Variants in BLTP1 observed in about 807,000 individuals in gnomAD.
BLTP1 encodes the protein bridge-like lipid transfer protein family member 1.
the BLTP1 span, chr4:122,174,537 A>G: frequency 5.0e-6 from 8 of 1,600,092 alleles, 1 homozygote; most frequent in Non-Finnish European, 6.8e-6. Context: ...CTGTTAAAAC[A>G]GTTACATTAA....
chr4:122,232,316 G>A, the BLTP1 span, among the ~76,000 whole-genome samples: 6 of 152,244 alleles, frequency 3.9e-5, no homozygotes, highest in East Asian at 1.2e-3. Flanking sequence ...CCCAAGTAGA[G>A]TTGCCAGGGA....
the BLTP1 span, chr4:122,169,715 A>T: frequency 1.9e-5 from 19 of 983,204 alleles, no homozygotes; most frequent in Non-Finnish European, 2.3e-5. Flanking sequence ...ATATGCACAC[A>T]TATGTGTATG....
At chr4:122,330,444 C>G in the BLTP1 span, among the ~76,000 whole-genome samples, 1 of 151,246 alleles carries the variant, frequency 6.6e-6, no homozygotes, top group Non-Finnish European at 1.5e-5. Flanking sequence ...AGTCATATTT[C>G]ATTGTGGTTT....
the BLTP1 span, chr4:122,353,264 G>A: frequency 2.0e-6 from 3 of 1,491,736 alleles, no homozygotes; most frequent in Admixed American, 2.2e-5. The surrounding 1 kb of genome is among the most constrained non-coding windows in gnomAD (Gnocchi z 4.3). Flanking sequence ...TATCTGACAT[G>A]TTAAGGAGTT....
chr4:122,180,198 T>C, the BLTP1 span: 1 of 984,904 alleles, frequency 1.0e-6, no homozygotes, highest in Non-Finnish European at 1.2e-6. Flanking sequence ...CATTTACTAA[T>C]ATTGTGACTT....
chr4:122,337,207 A>G, the BLTP1 span: 9 of 569,580 alleles, frequency 1.6e-5, no homozygotes, highest in Non-Finnish European at 2.8e-5. Context: ...TTATGTATAT[A>G]CAGATGCTCA....
chr4:122,291,954 A>C, the BLTP1 span: 1 of 242,138 alleles, frequency 4.1e-6, no homozygotes, highest in Non-Finnish European at 6.5e-6. Context: ...AGGTGTGCTC[A>C]TGCATCAAAC....
chr4:122,354,111 CA>C, the BLTP1 span: 1 of 1,098,938 alleles, frequency 9.1e-7, no homozygotes, highest in Non-Finnish European at 1.3e-6. Context: ...ATGGTGTTTT[CA>C]TTTCCTTAAA....
At chr4:122,328,337 T>G in the BLTP1 span, 1 of 1,609,662 alleles carries the variant, frequency 6.2e-7, no homozygotes, top group Admixed American at 1.7e-5. Flanking sequence ...GGGAAAGGTT[T>G]TATATTTACA....
At chr4:122,223,228 G>A in the BLTP1 span, 1 of 821,440 alleles carries the variant, frequency 1.2e-6, no homozygotes, top group Non-Finnish European at 1.5e-6. Context: ...TTATGAATTA[G>A]AGTTAGCCCT....
At chr4:122,359,621 C>G in the BLTP1 span, 1 of 1,612,418 alleles carries the variant, frequency 6.2e-7, no homozygotes, top group Non-Finnish European at 8.5e-7. Context: ...TTATACATGA[C>G]GACAATTCCT....
the BLTP1 span, among the ~76,000 whole-genome samples, chr4:122,338,170 T>C: frequency 6.6e-6 from 1 of 151,914 alleles, no homozygotes; most frequent in Non-Finnish European, 1.5e-5. Context: ...ACCTTTGGGC[T>C]GGGTGCAGTG....
chr4:122,155,340 T>A, the BLTP1 span, among the ~76,000 whole-genome samples: 2 of 149,870 alleles, frequency 1.3e-5, no homozygotes, highest in Non-Finnish European at 3.0e-5. Flanking sequence ...TTTTTTTTTT[T>A]GGAGACACAA....
At chr4:122,267,074 T>TTTTTTTTTTTTTTTTTTTTC in the BLTP1 span, 1 of 434,890 alleles carries the variant, frequency 2.3e-6, no homozygotes, top group Non-Finnish European at 3.9e-6. Context: ...TTTTTTTTTT[T>TTTTTTTTTTTTTTTTTTTTC]TTGAGACGGA....
chr4:122,280,182 G>A, the BLTP1 span: 3 of 985,394 alleles, frequency 3.0e-6, no homozygotes, highest in Non-Finnish European at 3.6e-6. Context: ...TGTCGTCAGT[G>A]CAATTGTCAG....
chr4:122,299,055 T>C, the BLTP1 span: 1 of 984,886 alleles, frequency 1.0e-6, no homozygotes, highest in Non-Finnish European at 1.2e-6. Context: ...CTTGCTAGGA[T>C]CCACATATAT....
the BLTP1 span, chr4:122,210,856 CATT>C: frequency 1.9e-6 from 3 of 1,603,344 alleles, no homozygotes; most frequent in Non-Finnish European, 2.6e-6. Context: ...ACCCCTCAAA[CATT>C]AGTCTTTTTT....
At chr4:122,295,282 G>A in the BLTP1 span, among the ~76,000 whole-genome samples, 2 of 151,962 alleles carry the variant, frequency 1.3e-5, no homozygotes, top group South Asian at 2.1e-4. Context: ...GACACTCCAC[G>A]AGAAGATCAA....
chr4:122,252,836 G>A, the BLTP1 span, among the ~76,000 whole-genome samples: 1 of 152,086 alleles, frequency 6.6e-6, no homozygotes, highest in African/African-American at 2.4e-5. Flanking sequence ...GGTTACAGGG[G>A]GCCCTGGGTG....
Sources: allele counts gnomAD v4.1 joint callset (sites outside exome capture counted in the v4.1 genomes callset), GRCh38; gene constraint gnomAD v4.1.1; non-coding constraint Gnocchi (gnomAD v3.1); transcripts MANE v1.5; gene names NCBI Gene and HGNC (gene_info 2026-07-23, HGNC 2026-07-21).